The following MDGA2 variants were observed in gnomAD, a reference collection of about 807,000 sequenced individuals.
The protein encoded by MDGA2 is MAM domain-containing glycosylphosphatidylinositol anchor protein 2.
MDGA2 carries 40 observed loss-of-function variants against 117.8 expected under a neutral mutation model. The ratio of observed to expected loss-of-function variants is 0.34; its 90% CI spans 0.26 to 0.44. MDGA2 has a LOEUF of 0.44. Among genes scored for constraint, MDGA2 ranks in the 20% least tolerant of loss-of-function variants. MDGA2 has a pLI of 1.00. For missense variants in MDGA2, 1,123 were observed against 1,250.6 expected (o/e 0.90, Z 1.54); for synonymous variants, 452 against 439.0 (o/e 1.03, Z -0.37).
At chr14:47,263,399 G>A (rs1887863910) in intron 2 of MDGA2, among the ~76,000 whole-genome samples, 1 of 151,992 alleles carries the variant, frequency 6.6e-6, no homozygotes, top group Non-Finnish European at 1.5e-5. Context: ...GTAATATGAA[G>A]CCATATTTTT....
chr14:47,001,172 A>T (rs1887518509), intron 8 of MDGA2, among the ~76,000 whole-genome samples: 1 of 152,122 alleles, frequency 6.6e-6, no homozygotes, highest in Non-Finnish European at 1.5e-5. Context: ...TTATGCAGCC[A>T]GGTTAGGAAT....
At chr14:46,885,127 G>A (rs1028408952) in intron 10 of MDGA2, among the ~76,000 whole-genome samples, 13 of 151,960 alleles carry the variant, frequency 8.6e-5, no homozygotes, top group Admixed American at 5.9e-4. Flanking sequence ...GATTACAGGC[G>A]TAAGTCACCG....
chr14:47,499,070 G>A (rs908345690), intron 1 of MDGA2, among the ~76,000 whole-genome samples: 1 of 151,940 alleles, frequency 6.6e-6, no homozygotes, highest in Non-Finnish European at 1.5e-5. Flanking sequence ...ATCACTCCAG[G>A]ATAGCTAATC....
intron 9 of MDGA2, among the ~76,000 whole-genome samples, chr14:46,939,113 G>A (rs987052995): frequency 4.6e-5 from 7 of 152,102 alleles, no homozygotes; most frequent in African/African-American, 1.7e-4. Context: ...GCCTGGTGGG[G>A]GGGTAGTTGA....
intron 1 of MDGA2, among the ~76,000 whole-genome samples, chr14:47,457,828 T>C (rs2138584826): frequency 6.6e-6 from 1 of 151,776 alleles, no homozygotes. Flanking sequence ...TTTTTTTGTT[T>C]GTTTATTTGT....
At chr14:47,161,419 A>T (rs557052427) in intron 3 of MDGA2, among the ~76,000 whole-genome samples, 35 of 152,196 alleles carry the variant, frequency 2.3e-4, no homozygotes, top group Non-Finnish European at 4.6e-4. Flanking sequence ...AAGAAGAAAT[A>T]ATTTAACAAT....
At chr14:47,214,450 T>A (rs1482641875) in intron 3 of MDGA2, among the ~76,000 whole-genome samples, 1 of 152,150 alleles carries the variant, frequency 6.6e-6, no homozygotes. Flanking sequence ...TTGAGGAACA[T>A]GATTATAATA....
At chr14:47,268,775 T>C (rs1888049726) in intron 2 of MDGA2, among the ~76,000 whole-genome samples, 1 of 152,208 alleles carries the variant, frequency 6.6e-6, no homozygotes, top group Non-Finnish European at 1.5e-5. Flanking sequence ...GCAAACTATG[T>C]CTGAAACATT....
intron 1 of MDGA2, among the ~76,000 whole-genome samples, chr14:47,391,224 C>T (rs907388135): frequency 1.3e-5 from 2 of 152,174 alleles, no homozygotes; most frequent in Non-Finnish European, 2.9e-5. Context: ...TGATTTCATG[C>T]TGCCCTAGCA....
At chr14:47,286,980 T>G (rs993456130) in intron 2 of MDGA2, among the ~76,000 whole-genome samples, 4 of 151,800 alleles carry the variant, frequency 2.6e-5, no homozygotes, top group Non-Finnish European at 5.9e-5. Flanking sequence ...ATAATCATTA[T>G]TATCCAGAGT....
intron 1 of MDGA2, among the ~76,000 whole-genome samples, chr14:47,628,165 A>G (rs1409775539): frequency 6.6e-6 from 1 of 152,090 alleles, no homozygotes; most frequent in African/African-American, 2.4e-5. Context: ...TCTTGCCATC[A>G]CTTATCTCCA....
chr14:47,056,490 T>C (rs1269028660), intron 7 of MDGA2, among the ~76,000 whole-genome samples: 1 of 152,162 alleles, frequency 6.6e-6, no homozygotes, highest in African/African-American at 2.4e-5. Flanking sequence ...CCATGTACTC[T>C]AACAAGGTAG....
chr14:47,059,529 C>T (rs1889806842), intron 7 of MDGA2: 1 of 354,136 alleles, frequency 2.8e-6, no homozygotes, highest in African/African-American at 2.1e-5. Context: ...ATATATAACA[C>T]ATAGTTTCAA....
At chr14:46,918,915 A>G (rs1000887407) in intron 10 of MDGA2, among the ~76,000 whole-genome samples, 1 of 151,740 alleles carries the variant, frequency 6.6e-6, no homozygotes, top group Middle Eastern at 3.2e-3. Flanking sequence ...GCGCCCGTCA[A>G]CATGCCCGGC....
intron 1 of MDGA2, among the ~76,000 whole-genome samples, chr14:47,537,420 C>T (rs1044090714): frequency 1.6e-4 from 24 of 150,856 alleles, no homozygotes; most frequent in Admixed American, 4.0e-4. Context: ...CAAACCTGCA[C>T]GTTGTGCACA....
chr14:47,263,519 C>T (rs1887868162), intron 2 of MDGA2, among the ~76,000 whole-genome samples: 1 of 151,952 alleles, frequency 6.6e-6, no homozygotes, highest in South Asian at 2.1e-4. Flanking sequence ...CAGTGGAGTC[C>T]TCATTAAAAA....
intron 1 of MDGA2, among the ~76,000 whole-genome samples, chr14:47,477,668 G>A (rs1200092542): frequency 1.3e-5 from 2 of 152,132 alleles, no homozygotes; most frequent in African/African-American, 4.8e-5. Context: ...AGGCCCTCCA[G>A]CATGACAATT....
At chr14:47,454,718 G>A (rs1009832175) in intron 1 of MDGA2, among the ~76,000 whole-genome samples, 3 of 152,080 alleles carry the variant, frequency 2.0e-5, no homozygotes, top group Admixed American at 2.0e-4. Flanking sequence ...TATTATAATG[G>A]GTGGAATTAA....
rs1429110257 is a variant in MDGA2 at position 47,177,653 on chromosome 14, C to G, written c.596-33379G>C. On this transcript the variant is annotated intron_variant, in intron 3 of 16. Coordinates refer to ENST00000399232, the MANE Select transcript of MDGA2 (RefSeq NM_001113498.3). The stretch of plus-strand genomic sequence containing the variant: ...CATCACACTCTGGGGACTGTTGTGG[C>G]ATGAGGGCAGTGGGGAGGGATAGCA... Among the ~76,000 whole-genome samples the G allele has an allele frequency of 3.3e-5, 5 of 152,092 alleles. No homozygotes were observed. The East Asian group carries it at 7.7e-4, about 24-fold the overall frequency.
Sources: gnomAD v4.1 joint callset for allele counts (sites outside exome capture counted in the v4.1 genomes callset) on GRCh38, gnomAD v4.1.1 for gene constraint, MANE v1.5 for transcripts, NCBI Gene and HGNC (gene_info 2026-07-23, HGNC 2026-07-21) for gene names.